Variants in KLHL20 observed in about 807,000 individuals in gnomAD.
The protein encoded by KLHL20 is kelch-like protein 20.
Under a neutral mutation model 69.5 loss-of-function variants are expected in KLHL20, and 29 were observed. The ratio of observed to expected loss-of-function variants is 0.42; its 90% confidence interval spans 0.31 to 0.57. The LOEUF (loss-of-function observed/expected upper bound fraction) is 0.57, where lower values mean the gene tolerates loss of function less well. KLHL20 is among the 20% of genes least tolerant of loss of function. KLHL20 has a pLI of 0.18. For synonymous variants in KLHL20, 253 were observed against 265.2 expected, an observed-to-expected ratio of 0.95 and a Z score of 0.45; for missense variants, 419 against 776.0, an observed-to-expected ratio of 0.54 and a Z score of 5.47.
rs989628072 is a variant in KLHL20, at chr1:173,758,632, A to G, written c.1151+1473A>G. ...CTGGAGAAGCTGAAGGTCTGTTTGC[A>G]GGAGAAGTTTCCAACTTTACCTGGA... On this transcript the variant is annotated intron_variant, in intron 7 of 11. Coordinates refer to ENST00000209884, the MANE Select transcript of KLHL20 (RefSeq NM_014458.4). Among the ~76,000 whole-genome samples, 4 of 152,350 alleles carry G rather than the reference A, an allele frequency of 2.6e-5. No homozygotes were observed. The South Asian group carries it at 6.2e-4, about 24-fold the overall frequency.
At position 173,744,138 on chromosome 1, in the gene KLHL20, A is replaced by G. The variant is rs370859863; in HGVS notation, c.598-7626A>G. Among the ~76,000 whole-genome samples the G allele has an allele frequency of 2.6e-5, 4 of 152,270 alleles. No individual in the cohort carries two copies. The East Asian group carries it at 7.7e-4, about 29-fold the overall frequency. Reference sequence around the variant, plus strand: ...AATATATGAGGATAAATGTTTGTCCACAGCCTCACCAACAGATTGTATTGC... The same window carrying G: ...AATATATGAGGATAAATGTTTGTCCGCAGCCTCACCAACAGATTGTATTGC... On this transcript the variant is annotated intron_variant, in intron 3 of 11. Transcript: ENST00000209884.
At chr1:173,729,746 A>G (rs1571860773) in intron 2 of KLHL20, among the ~76,000 whole-genome samples, 1 of 152,122 alleles carries the variant, frequency 6.6e-6, no homozygotes, top group Non-Finnish European at 1.5e-5. Context: ...TCTATGACAA[A>G]CCCACAGCCA....
chr1:173,729,052 C>T (rs1183599619), intron 2 of KLHL20, among the ~76,000 whole-genome samples: 17 of 152,146 alleles, frequency 1.1e-4, no homozygotes, highest in African/African-American at 3.1e-4. Context: ...ATATCACCAC[C>T]GATCCCACAG....
At chr1:173,773,809 C>G (rs10912690) in intron 8 of KLHL20, among the ~76,000 whole-genome samples, 2 of 151,980 alleles carry the variant, frequency 1.3e-5, no homozygotes, top group African/African-American at 4.8e-5. Flanking sequence ...GTCAGGAGAT[C>G]GAGACCCTCC....
At chr1:173,784,921 T>G (rs1348174409) in intron 11 of KLHL20, among the ~76,000 whole-genome samples, 2 of 152,192 alleles carry the variant, frequency 1.3e-5, no homozygotes, top group African/African-American at 2.4e-5. Flanking sequence ...TCTCTTATTC[T>G]TCACACAGCC....
At chr1:173,778,368 ACCAAGG>A (rs1365925889) in intron 10 of KLHL20, among the ~76,000 whole-genome samples, 1 of 152,126 alleles carries the variant, frequency 6.6e-6, no homozygotes, top group Non-Finnish European at 1.5e-5. Context: ...TGGCTCTGTC[ACCAAGG>A]TTGGAGTGCA....
At chr1:173,748,445 GTTTATA>G (rs1673165555) in intron 3 of KLHL20, among the ~76,000 whole-genome samples, 1 of 151,990 alleles carries the variant, frequency 6.6e-6, no homozygotes, top group Non-Finnish European at 1.5e-5. Context: ...CTTAAGTGTG[GTTTATA>G]TTATTAATTA....
rs538600956 is a variant in KLHL20 at position 173,731,282 on chromosome 1, GT to G, written c.24-2429del. 2.4e-3 allele frequency among the ~76,000 whole-genome samples: 359 copies of G among 152,320 alleles called. 1 individual carries two copies. The highest frequency in any genetic ancestry group is 8.0e-3 in the African/African-American group (332 of 41,562). On this transcript the variant is annotated intron_variant, in intron 2 of 11. Transcript: ENST00000209884. ...ACACTGTTGGTAGGACTGTAAACTA[GT>G]TCAACCATTGTGGAAGTCAGTGTGG...
At chr1:173,759,971 A>T (rs1456782161) in intron 7 of KLHL20, among the ~76,000 whole-genome samples, 2 of 152,210 alleles carry the variant, frequency 1.3e-5, no homozygotes, top group African/African-American at 2.4e-5. Flanking sequence ...GAAATCCAAA[A>T]ATGATACAAG....
chr1:173,774,464 G>T (rs759743762), intron 9 of KLHL20, 26 bp downstream of exon 9: 1 of 1,613,008 alleles, frequency 6.2e-7, no homozygotes, highest in Non-Finnish European at 8.5e-7. Flanking sequence ...AGGCAATCAG[G>T]TTCCCCAAAA....
At chr1:173,732,590 AT>A (rs1251848755) in intron 2 of KLHL20, among the ~76,000 whole-genome samples, 1 of 152,152 alleles carries the variant, frequency 6.6e-6, no homozygotes, top group Non-Finnish European at 1.5e-5. Context: ...TTTCTATTTC[AT>A]TTTTTAATGC....
At chr1:173,766,514 T>TG (rs1647723638) in intron 8 of KLHL20, among the ~76,000 whole-genome samples, 1 of 147,818 alleles carries the variant, frequency 6.8e-6, no homozygotes, top group Non-Finnish European at 1.5e-5. Context: ...GGCGTGGTGG[T>TG]GCATGTAGTT....
At chr1:173,735,267 G>A (rs548745204) in intron 3 of KLHL20, among the ~76,000 whole-genome samples, 5 of 152,200 alleles carry the variant, frequency 3.3e-5, no homozygotes, top group Non-Finnish European at 5.9e-5. Flanking sequence ...GCAACATGGC[G>A]AAACCCTGTC....
intron 5 of KLHL20, 95 bp downstream of exon 5, chr1:173,753,402 G>T (rs1673396820): frequency 3.3e-6 from 3 of 917,066 alleles, no homozygotes; most frequent in Non-Finnish European, 5.2e-6. Flanking sequence ...ATTGTATTTT[G>T]CAGAGCTGAA....
rs140366366 is a variant in KLHL20, at chr1:173,724,023, A to G, written c.23+7957A>G. ...AGCTTTATTGAGGTATAATTGAGGTACATATTTTATGTATACATTTTGATG... is the reference window on the plus strand; with the variant it reads ...AGCTTTATTGAGGTATAATTGAGGTGCATATTTTATGTATACATTTTGATG... On this transcript the variant is annotated intron_variant, in intron 2 of 11. Transcript: ENST00000209884. 7.3e-4 allele frequency among the ~76,000 whole-genome samples: 111 copies of G among 152,334 alleles called. 1 individual carries two copies. Among genetic ancestry groups the G allele is most frequent in the African/African-American group, 2.5e-3 (102 of 41,574 alleles).
rs1219295426 is a variant in KLHL20 at position 173,733,983 on chromosome 1, A to G, written c.294A>G (p.Thr98=). Residue 98 remains threonine (T), a synonymous_variant, in exon 3 of 12, where the codon ACA becomes ACG. Coordinates refer to ENST00000209884, the MANE Select transcript of KLHL20 (RefSeq NM_014458.4). ...ACSPYFRAMF[T]GELAESRQTE... Reference sequence around the variant, plus strand: ...GTCCCTACTTCCGAGCTATGTTTACAGGAGAATTGGCAGAGAGCCGTCAGA... The same window carrying G: ...GTCCCTACTTCCGAGCTATGTTTACGGGAGAATTGGCAGAGAGCCGTCAGA... 14 of 1,614,090 alleles carry G rather than the reference A, an allele frequency of 8.7e-6. No individual in the cohort carries two copies. Among genetic ancestry groups the G allele is most frequent in the South Asian group, 5.5e-5 (5 of 91,090 alleles).
intron 10 of KLHL20, among the ~76,000 whole-genome samples, chr1:173,778,108 C>T (rs1332338248): frequency 6.6e-6 from 1 of 151,854 alleles, no homozygotes; most frequent in African/African-American, 2.4e-5. Context: ...GGTACATGTG[C>T]ACAAAGTGCA....
intron 8 of KLHL20, among the ~76,000 whole-genome samples, chr1:173,770,807 G>A (rs1219397365): frequency 6.6e-6 from 1 of 151,724 alleles, no homozygotes; most frequent in African/African-American, 2.4e-5. Flanking sequence ...AAACCAAAGG[G>A]AGGAAACAGA....
intron 2 of KLHL20, among the ~76,000 whole-genome samples, chr1:173,731,538 TA>T (rs1313615103): frequency 6.6e-6 from 1 of 152,116 alleles, no homozygotes; most frequent in African/African-American, 2.4e-5. Flanking sequence ...TATGCAGCCA[TA>T]AAAAATGATG....
Sources: allele counts gnomAD v4.1 joint callset (sites outside exome capture counted in the v4.1 genomes callset), GRCh38; gene constraint gnomAD v4.1.1; transcripts MANE v1.5; gene names NCBI Gene and HGNC (gene_info 2026-07-23, HGNC 2026-07-21).